CRIP3: variants seen among roughly 807,000 people sequenced by gnomAD.
CRIP3 encodes cysteine rich protein 3.
Under a neutral mutation model 30.3 loss-of-function variants are expected in CRIP3, and 23 were observed. The observed-to-expected ratio is 0.76, with a 90% CI of 0.55 to 1.08. CRIP3 has a LOEUF of 1.08. Among genes scored for constraint, CRIP3 ranks in the 50% least tolerant of loss-of-function variants. The pLI, the probability that CRIP3 is intolerant of heterozygous loss-of-function variation, is 0.00. For synonymous variants in CRIP3, 89 were observed against 97.6 expected, an observed-to-expected ratio of 0.91 and a Z score of 0.52; for missense variants, 261 against 259.3, an observed-to-expected ratio of 1.01 and a Z score of -0.04.
intron 3 of CRIP3, 26 bp downstream of exon 3, chr6:43,307,813 C>T (rs1020611499): frequency 5.0e-6 from 8 of 1,613,770 alleles, no homozygotes; most frequent in African/African-American, 1.3e-5. Context: ...TCTGCTGACC[C>T]ATGGCCCCTT....
At chr6:43,308,194 G>T in intron 2 of CRIP3, 121 bp downstream of exon 2, 1 of 888,664 alleles carries the variant, frequency 1.1e-6, no homozygotes, top group Non-Finnish European at 1.7e-6. Flanking sequence ...CAGGTGGGCG[G>T]CCTTGGGGTT....
rs1032182495 is a variant in CRIP3, at chr6:43,308,806, G to T, written c.-14C>A. On this transcript the variant is annotated 5_prime_UTR_variant, in exon 1 of 8. Coordinates refer to ENST00000372569, the MANE Select transcript of CRIP3 (RefSeq NM_206922.3). ...GGTCCAGCTCATAGCTCCGCTCCAGGCAGCGCACGCGGCACACAGTAGGTA... is the reference window on the plus strand; with the variant it reads ...GGTCCAGCTCATAGCTCCGCTCCAGTCAGCGCACGCGGCACACAGTAGGTA... 8.1e-6 allele frequency: 13 copies of T among 1,613,864 alleles called. No individual in the cohort carries two copies. Among genetic ancestry groups the T allele is most frequent in the Admixed American group, 5.0e-5 (3 of 60,010 alleles).
rs2150741253 is a variant in CRIP3, at chr6:43,308,740, CGGGCCTCACCGA to C, written c.41_43+9del. ...CCCCATCTTCTCCCCCTCCGCAGCCCGGGCCTCACCGAAGAAAACAGGTTGCTGGCAACGCGG... is the reference window on the plus strand; with the variant it reads ...CCCCATCTTCTCCCCCTCCGCAGCCCAGAAAACAGGTTGCTGGCAACGCGG... On this transcript the variant is annotated splice_donor_variant and splice_donor_5th_base_variant and coding_sequence_variant and intron_variant, in exon 1 of 8. Transcript: ENST00000372569. LOFTEE classifies it high-confidence loss of function. 1 of 1,613,988 alleles carries C rather than the reference CGGGCCTCACCGA, an allele frequency of 6.2e-7. No homozygotes were observed. Among genetic ancestry groups the C allele is most frequent in the East Asian group, 2.2e-5 (1 of 44,864 alleles).
intron 4 of CRIP3, 195 bp downstream of exon 4, chr6:43,307,412 TAACTC>T (rs958168196): frequency 9.2e-6 from 4 of 434,970 alleles, no homozygotes; most frequent in African/African-American, 2.0e-5. Context: ...ATTTACCTCT[TAACTC>T]AGCAGCTCAC....
In CRIP3 at chr6:43,307,990, C is replaced by T. The variant is rs1326775326; in HGVS notation, c.139-94G>A. ...CAGACAGGCTGCCAGGTGTGTCTGT[C>T]CACTGGCTGAGTCTGGTGGGCCTGG... On this transcript the variant is annotated intron_variant, in intron 2 of 7. Coordinates refer to ENST00000372569, the MANE Select transcript of CRIP3 (RefSeq NM_206922.3). 5 of 1,382,772 alleles carry T rather than the reference C, an allele frequency of 3.6e-6. No individual in the cohort carries two copies. In the South Asian group the frequency reaches 6.1e-5, roughly 17 times the overall value. The allele number at this position is 1,382,772 out of a possible 1,614,324, so 85.7% of individuals were successfully genotyped here. A position where few individuals can be genotyped will look rare whatever the true frequency, so the allele number is the denominator to read the frequency against.
Position 43,307,707 on chromosome 6 carries a change from T to C in CRIP3, c.233A>G (p.Asn78Ser), listed in dbSNP as rs138077538. ...NIGGVGSYLY[N>S]PPTPSPGCTT... Reference sequence around the variant, plus strand: ...GCAGCCAGGGCTGGGAGTGGGGGGATTGTACAAGTAGGAGCCTACACCACC... The same window carrying C: ...GCAGCCAGGGCTGGGAGTGGGGGGACTGTACAAGTAGGAGCCTACACCACC... The change falls in exon 4 of 8, where the codon AAT becomes AGT. Residue 78 changes from asparagine (N) to serine (S), a missense_variant. Asn to Ser is a conservative substitution (Grantham distance 46, BLOSUM62 1). Transcript: ENST00000372569. The C allele has an allele frequency of 2.9e-5, 45 of 1,548,200 alleles. No individual in the cohort carries two copies. In the African/African-American group the frequency reaches 3.1e-4, roughly 11 times the overall value.
chr6:43,308,408 A>G lies in CRIP3; in HGVS notation c.45T>C (p.Ala15=). The change falls in exon 2 of 8, where the codon GCT becomes GCC. Residue 15 remains alanine, a splice_region_variant and synonymous_variant. Coordinates refer to ENST00000372569, the MANE Select transcript of CRIP3 (RefSeq NM_206922.3). ...TCTTGCCCAGGGAGCTCACCTTCTC[A>G]GCTGTGGAGGACAAAGTGGAACCGA... ...CPRCQQPVFF[A]EKVSSLGKNW... The G allele has an allele frequency of 1.2e-6, 2 of 1,612,838 alleles. No homozygotes were observed. The highest frequency in any genetic ancestry group is 1.7e-6 in the Non-Finnish European group (2 of 1,179,516).
At chr6:43,308,690 C>G in intron 1 of CRIP3, 60 bp downstream of exon 1, 2 of 1,601,680 alleles carry the variant, frequency 1.2e-6, no homozygotes, top group South Asian at 1.1e-5. Context: ...TCCGCGTCCT[C>G]AGGGAATCCA....
In CRIP3 at chr6:43,306,067, C is replaced by G. The variant is rs1018148108; in HGVS notation, c.553G>C (p.Gly185Arg). 6.2e-7 allele frequency: 1 copy of G among 1,613,184 alleles called. No homozygotes were observed. Among genetic ancestry groups the G allele is most frequent in the Non-Finnish European group, 8.5e-7 (1 of 1,179,534 alleles). The change falls in exon 7 of 8, where the codon GGT (glycine) becomes CGT (arginine). Residue 185 changes from glycine (G) to arginine (R), a missense_variant and splice_region_variant. Physicochemically the swap from Gly to Arg is moderately radical, Grantham distance 125. Transcript: ENST00000372569. ...PCYGYLFGPK[G>R]VNIGDVGCYI... ...CAGTGTCTGGGATGGGGCTGCCCAC[C>G]TTTGGGGCCAAACAGGTAGCCGTAG...
Position 43,306,256 on chromosome 6 carries a change from C to T in CRIP3, c.458G>A (p.Arg153His), listed in dbSNP as rs748899609. ...NWHRPCLRCQ[R>H]CHKTLTAGSH... is the part of the protein sequence containing the mutation. ...CCCAGCAGTCAGGGTCTTGTGGCAA[C>T]GCTGGCACCTCAGACACGGTCGGTG... Residue 153 changes from arginine to histidine, a missense_variant, in exon 6 of 8, where the codon CGT (arginine) becomes CAT (histidine). Coordinates refer to ENST00000372569, the MANE Select transcript of CRIP3 (RefSeq NM_206922.3). 21 of 1,614,080 alleles carry T rather than the reference C, an allele frequency of 1.3e-5. No homozygotes were observed. The highest frequency in any genetic ancestry group is 1.4e-5 in the Non-Finnish European group (17 of 1,180,040).
chr6:43,306,041 C>T lies in CRIP3; in HGVS notation c.553+26G>A, dbSNP rs767743121. On this transcript the variant is annotated intron_variant, in intron 7 of 7. Coordinates refer to ENST00000372569, the MANE Select transcript of CRIP3 (RefSeq NM_206922.3). ...ATACTTCAGGCATGTACATGCCATC[C>T]CAGTGTCTGGGATGGGGCTGCCCAC... 5 of 1,609,912 alleles carry T rather than the reference C, an allele frequency of 3.1e-6. No individual in the cohort carries two copies. The East Asian group carries it at 1.1e-4, about 36-fold the overall frequency.
At chr6:43,308,144 CG>C (rs952028055) in intron 2 of CRIP3, among the ~76,000 whole-genome samples, 170 bp downstream of exon 2, 9 of 152,056 alleles carry the variant, frequency 5.9e-5, no homozygotes, top group African/African-American at 2.2e-4. Flanking sequence ...TCCACAGTCA[CG>C]ACCCAGGTTC....
In CRIP3 at chr6:43,305,798, C is replaced by T. The variant is rs753206379; in HGVS notation, c.*16G>A. On this transcript the variant is annotated 3_prime_UTR_variant, in exon 8 of 8. Transcript: ENST00000372569. ...GATGGGAGGCCTGAGTTAGGGTGAC[C>T]TTTTTTGTGAGCGTCTCATTTGAAT... 6.2e-7 allele frequency: 1 copy of T among 1,613,992 alleles called. No individual in the cohort carries two copies. Among genetic ancestry groups the T allele is most frequent in the South Asian group, 1.1e-5 (1 of 91,066 alleles).
At chr6:43,308,539 G>T in intron 1 of CRIP3, 130 bp from the exon 2 acceptor site, 2 of 920,336 alleles carry the variant, frequency 2.2e-6, no homozygotes, top group Non-Finnish European at 3.3e-6. Flanking sequence ...TCTCCAGGAG[G>T]CCAGCTCCAT....
intron 4 of CRIP3, chr6:43,307,134 T>C: frequency 3.2e-4 from 2 of 6,340 alleles, no homozygotes; most frequent in Admixed American, 5.2e-3. Context: ...ATTAACCTCT[T>C]TTTTTTTTTT....
rs748401564 is a variant in CRIP3, at chr6:43,306,141, AAG to A, written c.496-19_496-18del. The stretch of plus-strand genomic sequence containing the variant: ...TCCATCATGCTGAGACACAGAGAGA[AAG>A]AGAGCTGTCTCAGCCTGGTTCTCTT... On this transcript the variant is annotated intron_variant, in intron 6 of 7. Coordinates refer to ENST00000372569, the MANE Select transcript of CRIP3 (RefSeq NM_206922.3). The A allele has an allele frequency of 2.5e-6, 4 of 1,614,008 alleles. No individual in the cohort carries two copies. The South Asian group carries it at 3.3e-5, about 13-fold the overall frequency.
Position 43,305,732 on chromosome 6 carries a change from A to T in CRIP3, c.*82T>A. The T allele has an allele frequency of 6.5e-7, 1 of 1,543,620 alleles. No individual in the cohort carries two copies. The highest frequency in any genetic ancestry group is 9.0e-7 in the Non-Finnish European group (1 of 1,116,946). On this transcript the variant is annotated 3_prime_UTR_variant, in exon 8 of 8. Coordinates refer to ENST00000372569, the MANE Select transcript of CRIP3 (RefSeq NM_206922.3). Reference sequence around the variant, plus strand: ...TCCCACCTTCCCCAACCCCCATGGGACTGGAGATTTTTGTAGCTTCCATTG... The same window carrying T: ...TCCCACCTTCCCCAACCCCCATGGGTCTGGAGATTTTTGTAGCTTCCATTG...
At position 43,307,759 on chromosome 6, in the gene CRIP3, G is replaced by A. The variant is rs1562119530; in HGVS notation, c.197-16C>T. ...ATGTTCACCCCTGAAGAGAGAATAG[G>A]GGAGGTCAGGCTTGAGCCCCCAGCT... On this transcript the variant is annotated splice_polypyrimidine_tract_variant and intron_variant, in intron 3 of 7. Coordinates refer to ENST00000372569, the MANE Select transcript of CRIP3 (RefSeq NM_206922.3). The A allele has an allele frequency of 1.2e-6, 2 of 1,604,976 alleles. No individual in the cohort carries two copies. The highest frequency in any genetic ancestry group is 1.7e-6 in the Non-Finnish European group (2 of 1,173,462).
chr6:43,307,547 C>T (rs1778970897), intron 4 of CRIP3, 65 bp downstream of exon 4: 1 of 1,372,808 alleles, frequency 7.3e-7, no homozygotes, highest in Non-Finnish European at 9.5e-7. Context: ...CCACCTGGCC[C>T]AACCTCCGCT....
Sources: allele counts gnomAD v4.1 joint callset (sites outside exome capture counted in the v4.1 genomes callset), GRCh38; gene constraint gnomAD v4.1.1; transcripts MANE v1.5; gene names NCBI Gene and HGNC (gene_info 2026-07-23, HGNC 2026-07-21).